Variants in SEL1L3 observed in about 807,000 individuals in gnomAD.
The protein encoded by SEL1L3 is protein sel-1 homolog 3.
In SEL1L3, 76 loss-of-function variants were observed where a neutral mutation model predicts 142.8. That is an observed-to-expected ratio of 0.53 (90% CI 0.44 to 0.64). The LOEUF (loss-of-function observed/expected upper bound fraction) is 0.64. Ranked by LOEUF, SEL1L3 falls within the 30% of genes least tolerant of loss-of-function variation. SEL1L3 has a pLI of 0.00. For missense variants in SEL1L3, 1,262 were observed against 1,381.7 expected, an observed-to-expected ratio of 0.91 and a Z score of 1.37; for synonymous variants, 504 against 519.6, an observed-to-expected ratio of 0.97 and a Z score of 0.41.
At chr4:25,863,150 A>C (rs1273544832), upstream of SEL1L3, among the ~76,000 whole-genome samples, 9 of 95,948 alleles carry the variant, frequency 9.4e-5, no homozygotes, top group Admixed American at 2.2e-4. Context: ...GCGGGCGCCC[A>C]CGCAGGTGGG....
intron 15 of SEL1L3, 24 bp downstream of exon 15, chr4:25,782,218 G>C (rs896275555): frequency 6.2e-7 from 1 of 1,604,438 alleles, no homozygotes; most frequent in Non-Finnish European, 8.5e-7. Context: ...ACTAGTTGCA[G>C]AGTGGGTCTC....
At chr4:25,785,875 A>G (rs1560298717) in intron 13 of SEL1L3, among the ~76,000 whole-genome samples, 1 of 152,212 alleles carries the variant, frequency 6.6e-6, no homozygotes, top group Non-Finnish European at 1.5e-5. Flanking sequence ...CAGTTGACTT[A>G]GCTAAAGTCT....
At chr4:25,851,665 C>T (rs962159637) in intron 1 of SEL1L3, among the ~76,000 whole-genome samples, 3 of 151,624 alleles carry the variant, frequency 2.0e-5, no homozygotes, top group Admixed American at 6.6e-5. Context: ...CTGAGGTGGG[C>T]GGTTCACGAA....
At chr4:25,831,545 A>G (rs1046800604) in intron 5 of SEL1L3, among the ~76,000 whole-genome samples, 3 of 145,576 alleles carry the variant, frequency 2.1e-5, no homozygotes, top group African/African-American at 7.5e-5. Flanking sequence ...ATTATTATTG[A>G]GACAGAGTCT....
At position 25,774,431 on chromosome 4, in the gene SEL1L3, T is replaced by TCAAC. The variant is rs1034897211; in HGVS notation, c.2669+1842_2669+1845dup. ...TTCCCCCAACCAACCAACCAACCAA[T>TCAAC]CAACCAACCAACCACCCAAACAGAA... is the stretch of plus-strand genomic sequence containing the variant. On this transcript the variant is annotated intron_variant, in intron 17 of 23. Coordinates refer to ENST00000399878, the MANE Select transcript of SEL1L3 (RefSeq NM_015187.5). Among the ~76,000 whole-genome samples, 112 of 152,098 alleles carry TCAAC rather than the reference T, an allele frequency of 7.4e-4. 3 individuals are homozygous for TCAAC. The highest frequency in any genetic ancestry group is 5.3e-3 in the Admixed American group (81 of 15,274).
chr4:25,848,145 G>C, intron 1 of SEL1L3, among the ~76,000 whole-genome samples: 1 of 152,212 alleles, frequency 6.6e-6, no homozygotes. Flanking sequence ...AATAATTCCA[G>C]AGTTGGTTTT....
chr4:25,804,475 A>G, intron 10 of SEL1L3, 66 bp downstream of exon 10: 2 of 1,187,844 alleles, frequency 1.7e-6, no homozygotes, highest in Non-Finnish European at 2.5e-6. Context: ...TACCAGGGGC[A>G]CGAGAGCATT....
chr4:25,744,612 C>G (rs114869046), downstream of SEL1L3, among the ~76,000 whole-genome samples: 1 of 152,244 alleles, frequency 6.6e-6, no homozygotes, highest in South Asian at 2.1e-4. Flanking sequence ...CCTCTGCCTC[C>G]GAAAGTGCTG....
At chr4:25,759,837 C>T (rs776165046) in intron 20 of SEL1L3, 1 of 152,222 alleles carries the variant, frequency 6.6e-6, no homozygotes, top group Non-Finnish European at 1.5e-5. Context: ...AAGCAATAAA[C>T]GATGTGGTAC....
intron 7 of SEL1L3, among the ~76,000 whole-genome samples, chr4:25,821,692 C>T (rs4426762): frequency 0.1 from 15,708 of 152,254 alleles, 2,028 homozygotes; most frequent in African/African-American, 0.29. Context: ...AGATTCTCTC[C>T]TTTCATTAGC....
chr4:25,820,728 T>TAGGC (rs1560330598), intron 7 of SEL1L3, among the ~76,000 whole-genome samples: 19 of 152,374 alleles, frequency 1.2e-4, no homozygotes, highest in Admixed American at 1.1e-3. Flanking sequence ...TGAATATATG[T>TAGGC]ATGCATATGT....
chr4:25,750,345 A>G (rs1717514313), intron 23 of SEL1L3, among the ~76,000 whole-genome samples: 2 of 152,142 alleles, frequency 1.3e-5, no homozygotes, highest in Admixed American at 1.3e-4. Flanking sequence ...GAGGGCCCAA[A>G]ATATTTATTA....
At chr4:25,794,481 C>G (rs1712573834) in intron 11 of SEL1L3, among the ~76,000 whole-genome samples, 2 of 152,190 alleles carry the variant, frequency 1.3e-5, no homozygotes, top group South Asian at 4.1e-4. Context: ...CAATGAGATA[C>G]CATCTCATGC....
intron 2 of SEL1L3, among the ~76,000 whole-genome samples, chr4:25,845,898 G>A (rs1022878871): frequency 6.6e-6 from 1 of 152,108 alleles, no homozygotes; most frequent in Non-Finnish European, 1.5e-5. Flanking sequence ...CTCTGTCCCT[G>A]GCCCACAGGT....
intron 1 of SEL1L3, among the ~76,000 whole-genome samples, chr4:25,859,545 G>A (rs761612466): frequency 2.6e-5 from 4 of 152,204 alleles, no homozygotes; most frequent in Non-Finnish European, 5.9e-5. Flanking sequence ...CTCCCTGTGA[G>A]GGCAGGTGCT....
chr4:25,764,193 T>C (rs1718568726), intron 20 of SEL1L3, among the ~76,000 whole-genome samples: 1 of 152,140 alleles, frequency 6.6e-6, no homozygotes, highest in South Asian at 2.1e-4. Context: ...CTAACAAGCA[T>C]TCTTCAAGTA....
At chr4:25,821,420 C>G (rs1184809841) in intron 7 of SEL1L3, among the ~76,000 whole-genome samples, 5 of 152,252 alleles carry the variant, frequency 3.3e-5, no homozygotes, top group Non-Finnish European at 7.3e-5. Flanking sequence ...TCTCCCCCGA[C>G]CAGTCCAGCT....
At chr4:25,745,381 C>T (rs530810546), downstream of SEL1L3, among the ~76,000 whole-genome samples, 2 of 148,166 alleles carry the variant, frequency 1.3e-5, no homozygotes, top group South Asian at 4.3e-4. Flanking sequence ...GGTGACAGAG[C>T]GAGACTCAGT....
At chr4:25,740,865 A>G in the SEL1L3 span, among the ~76,000 whole-genome samples, 1 of 151,540 alleles carries the variant, frequency 6.6e-6, no homozygotes, top group Non-Finnish European at 1.5e-5. Flanking sequence ...GCTTACTGCA[A>G]CCTCTGCCTC....
Sources: allele counts gnomAD v4.1 joint callset (sites outside exome capture counted in the v4.1 genomes callset), GRCh38; gene constraint gnomAD v4.1.1; transcripts MANE v1.5; gene names NCBI Gene and HGNC (gene_info 2026-07-23, HGNC 2026-07-21).